PID1: variants seen among roughly 807,000 people sequenced by gnomAD.
PID1 encodes phosphotyrosine interaction domain containing 1.
A neutral mutation model predicts 19.1 loss-of-function variants in PID1; 10 were observed. The observed-to-expected ratio is 0.52, with a 90% CI of 0.32 to 0.89. PID1 has a LOEUF of 0.89. PID1 is among the 40% of genes least tolerant of loss of function. PID1 has a pLI of 0.03. For missense variants in PID1, 248 were observed against 285.3 expected, an observed-to-expected ratio of 0.87 and a Z score of 0.94; for synonymous variants, 130 against 116.0, an observed-to-expected ratio of 1.12 and a Z score of -0.78.
At chr2:229,033,688 A>T (rs370570290) in intron 2 of PID1, among the ~76,000 whole-genome samples, 45 of 152,290 alleles carry the variant, frequency 3.0e-4, no homozygotes, top group Admixed American at 1.4e-3. Context: ...TAAAAAAATT[A>T]AAAAAATATT....
intron 2 of PID1, among the ~76,000 whole-genome samples, chr2:229,138,550 A>G (rs1459047994): frequency 2.0e-5 from 3 of 152,124 alleles, no homozygotes; most frequent in Admixed American, 6.6e-5. Flanking sequence ...CATGGTGTAT[A>G]ATGTATATGT....
intron 2 of PID1, among the ~76,000 whole-genome samples, chr2:229,097,527 A>G (rs1289251077): frequency 6.6e-6 from 1 of 152,176 alleles, no homozygotes; most frequent in African/African-American, 2.4e-5. Context: ...CAGATATTAT[A>G]TAAGCCCTAT....
intron 1 of PID1, 54 bp downstream of exon 1, chr2:229,270,960 C>T (rs1690721042): frequency 1.1e-5 from 16 of 1,482,866 alleles, no homozygotes; most frequent in Non-Finnish European, 1.4e-5. Flanking sequence ...CTAGGTTCCT[C>T]TGCCCGGGCA....
intron 2 of PID1, among the ~76,000 whole-genome samples, chr2:229,149,688 C>A (rs1647189562): frequency 6.6e-6 from 1 of 152,158 alleles, no homozygotes; most frequent in African/African-American, 2.4e-5. Context: ...TTGACAGTTA[C>A]CCTCATAAAT....
intron 1 of PID1, among the ~76,000 whole-genome samples, chr2:229,204,201 C>A (rs1691557134): frequency 6.6e-6 from 1 of 151,988 alleles, no homozygotes; most frequent in African/African-American, 2.4e-5. Context: ...ATTGCTAGAG[C>A]TGCTGATCAG....
chr2:229,271,133 G>C lies in PID1; in HGVS notation c.-90C>G. ...GGGCTGGGGTCCCGCTTTACATCTG[G>C]GGTCGGTGTCCGCGGGATGTGCGTC... is the stretch of plus-strand genomic sequence containing the variant. On this transcript the variant is annotated 5_prime_UTR_variant, in exon 1 of 3. Transcript: ENST00000392055. The C allele has an allele frequency of 7.0e-7, 1 of 1,424,310 alleles. No individual in the cohort carries two copies. Among genetic ancestry groups the C allele is most frequent in the South Asian group, 1.3e-5 (1 of 78,910 alleles). 88.2% of individuals were successfully genotyped at this position (1,424,310 alleles called of 1,614,324 possible). A position where few individuals can be genotyped will look rare whatever the true frequency, so the allele number is the denominator to read the frequency against.
At chr2:229,066,544 G>A (rs1226911542) in intron 2 of PID1, among the ~76,000 whole-genome samples, 1 of 151,968 alleles carries the variant, frequency 6.6e-6, no homozygotes, top group Non-Finnish European at 1.5e-5. Flanking sequence ...CCATATCCTG[G>A]ATGAAGTCAG....
chr2:229,158,949 T>G, intron 1 of PID1, among the ~76,000 whole-genome samples: 1 of 149,276 alleles, frequency 6.7e-6, no homozygotes. Context: ...GGGGGAGCTG[T>G]GGGGGAAGGC....
At chr2:229,247,957 C>T (rs756502484) in intron 1 of PID1, among the ~76,000 whole-genome samples, 2 of 152,088 alleles carry the variant, frequency 1.3e-5, no homozygotes, top group Non-Finnish European at 2.9e-5. Flanking sequence ...CTTACTACTC[C>T]TCTTCCTTCT....
intron 1 of PID1, among the ~76,000 whole-genome samples, chr2:229,241,152 T>C (rs2106276197): frequency 6.6e-6 from 1 of 152,290 alleles, no homozygotes; most frequent in African/African-American, 2.4e-5. Flanking sequence ...GTAGCTGTTT[T>C]AAAGCATTTG....
intron 1 of PID1, among the ~76,000 whole-genome samples, chr2:229,266,721 A>C (rs1690599888): frequency 6.6e-6 from 1 of 152,210 alleles, no homozygotes; most frequent in South Asian, 2.1e-4. Flanking sequence ...TCTGGCCTTC[A>C]GTTTCTCTCT....
At chr2:229,121,306 A>G (rs1574645548) in intron 2 of PID1, among the ~76,000 whole-genome samples, 1 of 152,172 alleles carries the variant, frequency 6.6e-6, no homozygotes, top group East Asian at 1.9e-4. Context: ...TCCCTAGTTT[A>G]TATCTGGCTT....
intron 2 of PID1, among the ~76,000 whole-genome samples, chr2:229,117,704 T>C (rs980771837): frequency 2.6e-5 from 4 of 152,050 alleles, no homozygotes; most frequent in Non-Finnish European, 5.9e-5. Context: ...ACTTCAAATC[T>C]CTGTTTCTCA....
intron 1 of PID1, among the ~76,000 whole-genome samples, chr2:229,270,618 C>G (rs116411679): frequency 0.016 from 2,252 of 139,478 alleles, 69 homozygotes; most frequent in African/African-American, 0.058. Flanking sequence ...TCACATATCA[C>G]TTGTTCTGTC....
intron 1 of PID1, among the ~76,000 whole-genome samples, chr2:229,182,787 T>G (rs1472493028): frequency 6.6e-6 from 1 of 152,214 alleles, no homozygotes; most frequent in Non-Finnish European, 1.5e-5. Flanking sequence ...TGTGGATCTA[T>G]GCCCAGGTCT....
At chr2:229,174,336 T>C (rs773081685) in intron 1 of PID1, among the ~76,000 whole-genome samples, 3 of 152,190 alleles carry the variant, frequency 2.0e-5, no homozygotes, top group Non-Finnish European at 1.5e-5. Context: ...GGGTAGATGA[T>C]AGAGGTACCT....
At chr2:229,142,128 C>G (rs977279180) in intron 2 of PID1, among the ~76,000 whole-genome samples, 1 of 152,018 alleles carries the variant, frequency 6.6e-6, no homozygotes, top group South Asian at 2.1e-4. Flanking sequence ...GTTCATTGAC[C>G]TCTACATTCA....
At chr2:229,247,157 T>A (rs967434690) in intron 1 of PID1, among the ~76,000 whole-genome samples, 1 of 152,298 alleles carries the variant, frequency 6.6e-6, no homozygotes, top group Middle Eastern at 3.4e-3. Flanking sequence ...GCACGGTGTA[T>A]CATTGAGGAT....
Position 229,245,004 on chromosome 2 carries a change from G to C in PID1, c.30+26010C>G, listed in dbSNP as rs114076919. 2.9e-3 allele frequency: 443 copies of C among 152,250 alleles called. 3 individuals carry two copies. The highest frequency in any genetic ancestry group is 0.01 in the African/African-American group (423 of 41,556). The allele number at this position is 152,250 out of a possible 1,614,324, so 9.4% of individuals were successfully genotyped here. On this transcript the variant is annotated intron_variant, in intron 1 of 2. Transcript: ENST00000392055. Reference sequence around the variant, plus strand: ...GAAAGGGAGCGTTACTTGCTTTTCAGTTGCCTAAGATCAAAATCGCACACA... The same window carrying C: ...GAAAGGGAGCGTTACTTGCTTTTCACTTGCCTAAGATCAAAATCGCACACA...
Sources: allele counts gnomAD v4.1 joint callset (sites outside exome capture counted in the v4.1 genomes callset), GRCh38; gene constraint gnomAD v4.1.1; transcripts MANE v1.5; gene names NCBI Gene and HGNC (gene_info 2026-07-23, HGNC 2026-07-21).